Variants in ASTN2 observed in about 807,000 individuals in gnomAD.
ASTN2 encodes astrotactin-2.
Under a neutral mutation model 139.8 loss-of-function variants are expected in ASTN2, and 54 were observed. That is an observed-to-expected ratio of 0.39 (90% CI 0.31 to 0.48). The LOEUF (loss-of-function observed/expected upper bound fraction) is 0.48. Among genes scored for constraint, ASTN2 ranks in the 20% least tolerant of loss-of-function variants. The probability of loss-of-function intolerance (pLI) is 0.95; values close to 1 mark genes in which losing one functional copy is unlikely to be tolerated. For synonymous variants in ASTN2, 756 were observed against 719.5 expected, an observed-to-expected ratio of 1.05 and a Z score of -0.81; for missense variants, 1,565 against 1,725.1, an observed-to-expected ratio of 0.91 and a Z score of 1.64.
At chr9:116,432,771 A>G (rs1847538163) in intron 22 of ASTN2, among the ~76,000 whole-genome samples, 1 of 152,174 alleles carries the variant, frequency 6.6e-6, no homozygotes, top group African/African-American at 2.4e-5. Flanking sequence ...CTCTACTAAA[A>G]ATACAAAAAT....
chr9:117,186,804 G>A (rs1831211973), intron 3 of ASTN2, among the ~76,000 whole-genome samples: 1 of 152,154 alleles, frequency 6.6e-6, no homozygotes, highest in African/African-American at 2.4e-5. Flanking sequence ...AAGATGGACA[G>A]ATAATACTTA....
intron 10 of ASTN2, among the ~76,000 whole-genome samples, chr9:116,879,189 T>C (rs1833384244): frequency 1.3e-5 from 2 of 152,094 alleles, no homozygotes; most frequent in Non-Finnish European, 2.9e-5. Context: ...GGGCCTCAGA[T>C]TCTACATTTC....
intron 9 of ASTN2, 94 bp downstream of exon 9, chr9:116,976,020 A>G (rs1160300819): frequency 3.3e-6 from 4 of 1,221,982 alleles, no homozygotes; most frequent in Non-Finnish European, 4.8e-6. Context: ...TCAGAAGTGC[A>G]CAGGCTCAAT....
Position 117,096,153 on chromosome 9 carries a change from TGTGA to T in ASTN2, c.1169-6_1169-3del. ...TGGCTCTCCCAAAGCTGATTCCTCCTGTGAGTAAGCACAGTCTATCAGTTAGTCT... is the reference window on the plus strand; with the variant it reads ...TGGCTCTCCCAAAGCTGATTCCTCCTGTAAGCACAGTCTATCAGTTAGTCT... On this transcript the variant is annotated splice_region_variant and splice_polypyrimidine_tract_variant and intron_variant, in intron 4 of 22. Transcript: ENST00000313400. 6.2e-7 allele frequency: 1 copy of T among 1,613,050 alleles called. No homozygotes were observed. Among genetic ancestry groups the T allele is most frequent in the South Asian group, 1.1e-5 (1 of 91,054 alleles).
chr9:117,088,827 T>C (rs1003671660), intron 5 of ASTN2, among the ~76,000 whole-genome samples: 1 of 152,150 alleles, frequency 6.6e-6, no homozygotes, highest in Non-Finnish European at 1.5e-5. Context: ...GGGAGACAGA[T>C]GCACCCAAAC....
At chr9:117,036,236 T>C (rs1229253630) in intron 6 of ASTN2, among the ~76,000 whole-genome samples, 4 of 152,144 alleles carry the variant, frequency 2.6e-5, no homozygotes, top group Non-Finnish European at 5.9e-5. Flanking sequence ...CAAGATATTA[T>C]GGCATGTAAG....
intron 10 of ASTN2, among the ~76,000 whole-genome samples, chr9:116,974,375 G>A (rs989960721): frequency 7.2e-5 from 11 of 152,094 alleles, no homozygotes; most frequent in African/African-American, 2.7e-4. Context: ...GGGGCAGAAT[G>A]ATATGTAAGC....
chr9:117,061,142 T>C (rs4838148), intron 5 of ASTN2, among the ~76,000 whole-genome samples: 12,186 of 104,022 alleles, frequency 0.12, 574 homozygotes, highest in Admixed American at 0.2. Context: ...ACCAGTCTTT[T>C]ATTTATTTAT....
At chr9:116,939,022 T>C (rs990257342) in intron 10 of ASTN2, among the ~76,000 whole-genome samples, 5 of 152,180 alleles carry the variant, frequency 3.3e-5, no homozygotes, top group African/African-American at 1.2e-4. Flanking sequence ...AAAAGAAAGA[T>C]GTGTGAAACA....
In ASTN2 at chr9:117,291,317, A is replaced by G. The variant is rs1167539020; in HGVS notation, c.630+9T>C. On this transcript the variant is annotated intron_variant, in intron 2 of 22. Coordinates refer to ENST00000313400, the MANE Select transcript of ASTN2 (RefSeq NM_001365068.1). Reference sequence around the variant, plus strand: ...TCCCCGACCCCGGTCACATCCCCCCATCACTCACCATCACAGAAATGTGGA... The same window carrying G: ...TCCCCGACCCCGGTCACATCCCCCCGTCACTCACCATCACAGAAATGTGGA... The G allele has an allele frequency of 5.6e-6, 9 of 1,602,842 alleles. No homozygotes were observed. The highest frequency in any genetic ancestry group is 1.4e-5 in the African/African-American group (1 of 72,540).
intron 2 of ASTN2, among the ~76,000 whole-genome samples, chr9:117,261,318 T>A (rs371572177): frequency 1.3e-5 from 2 of 152,350 alleles, no homozygotes; most frequent in East Asian, 3.9e-4. Context: ...AGAAGTAGGA[T>A]GACCATGTGC....
chr9:116,890,126 G>A (rs1833725799), intron 10 of ASTN2, among the ~76,000 whole-genome samples: 1 of 152,194 alleles, frequency 6.6e-6, no homozygotes, highest in South Asian at 2.1e-4. Context: ...CTGGCAACCA[G>A]GCAGGGGGAG....
At chr9:116,743,692 G>A (rs886651355) in intron 13 of ASTN2, among the ~76,000 whole-genome samples, 10 of 152,112 alleles carry the variant, frequency 6.6e-5, no homozygotes, top group African/African-American at 1.7e-4. Flanking sequence ...TAGTAGAGAC[G>A]GGGTTTCACC....
chr9:116,515,954 C>T (rs1850630360), intron 19 of ASTN2, among the ~76,000 whole-genome samples: 2 of 152,110 alleles, frequency 1.3e-5, no homozygotes, highest in South Asian at 2.1e-4. Flanking sequence ...ATTCATTAGA[C>T]CTATGGTGGG....
At chr9:117,345,191 A>G (rs1275370368) in intron 1 of ASTN2, among the ~76,000 whole-genome samples, 2 of 152,242 alleles carry the variant, frequency 1.3e-5, no homozygotes, top group Non-Finnish European at 1.5e-5. Context: ...TGCTCTTGCT[A>G]CTCATGCTTT....
intron 2 of ASTN2, among the ~76,000 whole-genome samples, chr9:117,251,813 A>G (rs1833546200): frequency 6.6e-6 from 1 of 152,184 alleles, no homozygotes; most frequent in Non-Finnish European, 1.5e-5. Flanking sequence ...ATGATAGTGT[A>G]AGATTGTCTA....
At chr9:116,787,696 A>G (rs1197266691) in intron 13 of ASTN2, among the ~76,000 whole-genome samples, 1 of 152,136 alleles carries the variant, frequency 6.6e-6, no homozygotes, top group African/African-American at 2.4e-5. Flanking sequence ...TCCTTCCTCT[A>G]TTGCAATAGC....
intron 20 of ASTN2, among the ~76,000 whole-genome samples, chr9:116,479,411 C>G (rs569238055): frequency 5.3e-4 from 80 of 152,200 alleles, no homozygotes; most frequent in African/African-American, 1.8e-3. Flanking sequence ...CAGGCTGTGC[C>G]CAGGAGAGGT....
chr9:117,141,256 T>A (rs1830067748), intron 4 of ASTN2, 70 bp downstream of exon 4: 3 of 1,314,146 alleles, frequency 2.3e-6, no homozygotes, highest in Non-Finnish European at 3.0e-6. Flanking sequence ...AATGCACAGA[T>A]CTCCCTAGCA....
Sources: gnomAD v4.1 joint callset for allele counts (sites outside exome capture counted in the v4.1 genomes callset) on GRCh38, gnomAD v4.1.1 for gene constraint, MANE v1.5 for transcripts, NCBI Gene and HGNC (gene_info 2026-07-23, HGNC 2026-07-21) for gene names.